The following MACF1 variants were observed in gnomAD, a reference collection of about 807,000 sequenced individuals.
The protein encoded by MACF1 is microtubule-actin cross-linking factor 1.
In MACF1, 193 loss-of-function variants were observed where a neutral mutation model predicts 854.8. The observed-to-expected ratio is 0.23, with a 90% CI of 0.20 to 0.25. The LOEUF is 0.25. Among genes scored for constraint, MACF1 ranks in the 10% least tolerant of loss-of-function variants. The pLI is 1.00. For synonymous variants in MACF1, 3,185 were observed against 3,226.7 expected, an observed-to-expected ratio of 0.99 and a Z score of 0.44; for missense variants, 7,722 against 8,929.1, an observed-to-expected ratio of 0.86 and a Z score of 5.45.
At chr1:39,383,747 G>A (rs1457751990) in intron 56 of MACF1, among the ~76,000 whole-genome samples, 3 of 151,896 alleles carry the variant, frequency 2.0e-5, no homozygotes, top group Non-Finnish European at 4.4e-5. Flanking sequence ...TGTGGTGGCG[G>A]GTGCCTGTAG....
chr1:39,370,145 A>G lies in MACF1; in HGVS notation c.13054A>G (p.Met4352Val), dbSNP rs2296172. 0.2 allele frequency: 316,993 copies of G among 1,613,338 alleles called. 33,104 individuals are homozygous for G. The highest frequency in any genetic ancestry group is 0.21 in the Non-Finnish European group (251,797 of 1,179,466). The change falls in exon 51 of 101, where the codon ATG becomes GTG. Residue 4352 changes from methionine (M) to valine (V), a missense_variant. By Grantham distance (21) the Met-to-Val change is conservative (BLOSUM62 1). This residue lies in a region of MACF1 where 2,807 missense variants were observed against 3,235.8 expected (regional missense o/e 0.87). Transcript: ENST00000564288. ...EGSIPPTETS[M>V]SAKELEKQIE... ...GAGTATTCCACCTACGGAAACTTCT[A>G]TGAGTGCTAAAGAGTTAGAAAAGCA...
At chr1:39,298,212 A>G (rs185239580) in intron 21 of MACF1, among the ~76,000 whole-genome samples, 1 of 152,188 alleles carries the variant, frequency 6.6e-6, no homozygotes, top group African/African-American at 2.4e-5. Flanking sequence ...CTTTTGGATG[A>G]TAATTAAAAT....
chr1:39,310,789 T>C (rs1217108820), intron 25 of MACF1, 42 bp from the exon 26 acceptor site: 1 of 1,561,412 alleles, frequency 6.4e-7, no homozygotes, highest in South Asian at 1.2e-5. Flanking sequence ...TGCTTATCTC[T>C]GATGTCGAGC....
chr1:39,429,243 C>T lies in MACF1; in HGVS notation c.16805C>T (p.Ala5602Val), dbSNP rs746691066. 9 of 1,494,954 alleles carry T rather than the reference C, an allele frequency of 6.0e-6. No homozygotes were observed. In the South Asian group the frequency reaches 1.0e-4, roughly 17 times the overall value. The allele number at this position is 1,494,954 out of a possible 1,614,324, so 92.6% of individuals were successfully genotyped here. The change falls in exon 64 of 101, where the codon GCT (alanine) becomes GTT (valine). Residue 5602 changes from alanine to valine, a missense_variant and splice_region_variant. Physicochemically the swap from Ala to Val is moderately conservative, Grantham distance 64. Transcript: ENST00000564288. ...VLHRQHADHL[A>V]LNEEIVNRKK... ...ATTAATGGTATTCTTTCCTTTCAGG[C>T]TTTAAATGAAGAAATTGTTAATAGA...
chr1:39,250,057 G>A lies in MACF1; in HGVS notation c.215G>A (p.Gly72Asp), dbSNP rs1645023326. The A allele has an allele frequency of 1.9e-6, 3 of 1,613,738 alleles. No individual in the cohort carries two copies. The highest frequency in any genetic ancestry group is 2.2e-5 in the East Asian group (1 of 44,864). The change falls in exon 3 of 101, where the codon GGC becomes GAC. Residue 72 changes from glycine to aspartate, a missense_variant. Transcript: ENST00000564288. Reference protein sequence around the residue: ...INDLYEDLRDGHNLISLLEVL... With the variant: ...INDLYEDLRDDHNLISLLEVL... ...GATCTTTATGAAGATCTGCGGGATG[G>A]CCATAACCTGATCTCTCTGTTGGAG...
rs144057132 is a variant in MACF1 at position 39,315,686 on chromosome 1, G to A, written c.3444G>A (p.Leu1148=). The A allele has an allele frequency of 5.9e-5, 95 of 1,613,176 alleles. 1 individual carries two copies. In the African/African-American group the frequency reaches 8.4e-4, roughly 14 times the overall value. ...DHVYGLSTVY[L]NKLKTVDVIV... is the part of the protein sequence containing the mutation. ...TCTATGGTCTCTCTACTGTATATCTGAATAAGTGAGTGAGCTGAGGTTTTG... is the reference window on the plus strand; with the variant it reads ...TCTATGGTCTCTCTACTGTATATCTAAATAAGTGAGTGAGCTGAGGTTTTG... The change falls in exon 27 of 101, where the codon CTG becomes CTA. Residue 1148 remains leucine (L), a synonymous_variant. Coordinates refer to ENST00000564288, the MANE Select transcript of MACF1 (RefSeq NM_001394062.1).
chr1:39,451,233 C>CCAAT (rs1242822177), intron 85 of MACF1, 22 bp downstream of exon 85: 1 of 1,607,304 alleles, frequency 6.2e-7, no homozygotes. Context: ...GTCTGGGCTA[C>CCAAT]ATTGGAGTGC....
intron 2 of MACF1, among the ~76,000 whole-genome samples, chr1:39,196,823 AAG>A (rs1427712361): frequency 6.6e-6 from 1 of 152,160 alleles, no homozygotes; most frequent in Non-Finnish European, 1.5e-5. Flanking sequence ...GCAAACATTA[AAG>A]TAATTCTGGG....
rs11205676 is a variant in MACF1, at chr1:39,135,732, A to G, written c.220+51294A>G. Among the ~76,000 whole-genome samples the G allele has an allele frequency of 9.2e-3, 1,404 of 152,206 alleles. 27 individuals carry two copies. Among genetic ancestry groups the G allele is most frequent in the African/African-American group, 0.032 (1,332 of 41,500 alleles). On this transcript the variant is annotated intron_variant, in intron 2 of 93. Transcript: ENST00000361689. ...ACTGAACCCTATACAGAGGGTCCAG[A>G]CCTGGCAGAATTCTAGGAAAAAAAA... is the stretch of plus-strand genomic sequence containing the variant.
In MACF1 at chr1:39,285,660, G is replaced by T; in HGVS notation, c.1410G>T (p.Met470Ile). Residue 470 changes from methionine (M) to isoleucine (I), a missense_variant, in exon 14 of 101, where the codon ATG becomes ATT. By Grantham distance (10) the Met-to-Ile change is conservative. Transcript: ENST00000564288. ...QPVQCESDVI[M>I]YIQECEGLIR... ...TACAATGTGAGTCAGATGTCATTAT[G>T]TACATTCAGGAGTGTGAAGGTCTCA... is the stretch of plus-strand genomic sequence containing the variant. 6.2e-7 allele frequency: 1 copy of T among 1,614,076 alleles called. No individual in the cohort carries two copies. The highest frequency in any genetic ancestry group is 2.2e-5 in the East Asian group (1 of 44,860).
At chr1:39,098,666 C>G (rs1045258783) in intron 2 of MACF1, among the ~76,000 whole-genome samples, 3 of 152,184 alleles carry the variant, frequency 2.0e-5, no homozygotes, top group African/African-American at 7.2e-5. Context: ...TAGGGAGAGG[C>G]TGAGGTGGAG....
chr1:39,285,497 TC>T, intron 13 of MACF1, 106 bp from the exon 14 acceptor site: 2 of 1,488,318 alleles, frequency 1.3e-6, no homozygotes, highest in Middle Eastern at 1.9e-4. Context: ...ATGTATTATT[TC>T]CCTTTTTTTT....
intron 2 of MACF1, among the ~76,000 whole-genome samples, chr1:39,239,287 AC>A (rs1644894693): frequency 8.3e-5 from 2 of 24,092 alleles, no homozygotes; most frequent in East Asian, 2.0e-3. Flanking sequence ...TCTCAAAAAA[AC>A]AAACAAACAA....
chr1:39,254,469 G>A, intron 5 of MACF1, 94 bp downstream of exon 5: 5 of 1,079,530 alleles, frequency 4.6e-6, no homozygotes, highest in Non-Finnish European at 7.1e-6. Flanking sequence ...TAAGCTCTCA[G>A]TAAATGCTAA....
rs1641858421 is a variant in MACF1 at position 39,093,374 on chromosome 1, G to A, written c.220+8936G>A. Among the ~76,000 whole-genome samples the A allele has an allele frequency of 2.8e-5, 4 of 142,318 alleles. No homozygotes were observed. In the Admixed American group the frequency reaches 2.9e-4, roughly 10 times the overall value. 93.4% of individuals were successfully genotyped at this position (142,318 alleles called of 152,430 possible). A position where few individuals can be genotyped will look rare whatever the true frequency, so the allele number is the denominator to read the frequency against. On this transcript the variant is annotated intron_variant, in intron 2 of 93. Coordinates refer to the MACF1 transcript ENST00000361689. ...CTTGTTGCCCAGGCTGGAGTGCAAT[G>A]GCTCAATCTCTGCTCATTGCAACCA...
intron 2 of MACF1, among the ~76,000 whole-genome samples, chr1:39,124,948 A>G (rs1001644962): frequency 7.9e-5 from 12 of 152,118 alleles, no homozygotes; most frequent in African/African-American, 2.2e-4. Flanking sequence ...ATGTATTGCT[A>G]TTGCTCTCAA....
At chr1:39,278,607 T>G (rs1645483617) in intron 6 of MACF1, among the ~76,000 whole-genome samples, 1 of 152,272 alleles carries the variant, frequency 6.6e-6, no homozygotes, top group Admixed American at 6.5e-5. Context: ...CTGTCTTGTT[T>G]TACATCAACA....
chr1:39,150,049 T>C (rs1643545313), intron 2 of MACF1, among the ~76,000 whole-genome samples: 1 of 151,438 alleles, frequency 6.6e-6, no homozygotes, highest in African/African-American at 2.4e-5. Context: ...TTTTGGAGAC[T>C]GTCTCCCTCT....
intron 2 of MACF1, among the ~76,000 whole-genome samples, chr1:39,173,931 T>C (rs891099856): frequency 5.3e-5 from 8 of 151,806 alleles, no homozygotes; most frequent in Non-Finnish European, 8.8e-5. Context: ...CTCTCTCTCT[T>C]TTTTTTTTCT....
Sources: gnomAD v4.1 joint callset for allele counts (sites outside exome capture counted in the v4.1 genomes callset) on GRCh38, gnomAD v4.1.1 for gene constraint, gnomAD v4.1.1 regional missense constraint, MANE v1.5 for transcripts, NCBI Gene and HGNC (gene_info 2026-07-23, HGNC 2026-07-21) for gene names.